Variants in FOXK1 observed in about 807,000 individuals in gnomAD.
FOXK1 encodes the protein forkhead box protein K1.
In FOXK1, 19 loss-of-function variants were observed where a neutral mutation model predicts 51.9. The ratio of observed to expected loss-of-function variants is 0.37; its 90% CI spans 0.26 to 0.54. The LOEUF (loss-of-function observed/expected upper bound fraction) is 0.54, where lower values mean the gene tolerates loss of function less well. Among genes scored for constraint, FOXK1 ranks in the 20% least tolerant of loss-of-function variants. The probability of loss-of-function intolerance (pLI) is 0.87; values close to 1 mark genes in which losing one functional copy is unlikely to be tolerated. For synonymous variants in FOXK1, 537 were observed against 482.6 expected (o/e 1.11, Z -1.48); for missense variants, 870 against 1,032.7 (o/e 0.84, Z 2.16).
rs1273282474 is a variant in FOXK1, at chr7:4,723,251, C to T, written c.561-17587C>T. ...GCACGTCCCCCGGCTCAGCACCGAG[C>T]AAGTGGGCCTGGACCCTGAAGGATG... On this transcript the variant is annotated intron_variant, in intron 1 of 8. Transcript: ENST00000328914. This position sits in a 1 kb window ranked among gnomAD's most constrained non-coding sequence, Gnocchi z 4.7. 6.6e-6 allele frequency among the ~76,000 whole-genome samples: 1 copy of T among 152,006 alleles called. No homozygotes were observed. The highest frequency in any genetic ancestry group is 1.9e-4 in the East Asian group (1 of 5,176).
In FOXK1 at chr7:4,719,029, G is replaced by A. The variant is rs143833361; in HGVS notation, c.561-21809G>A. Among the ~76,000 whole-genome samples, 1,055 of 152,178 alleles carry A rather than the reference G, an allele frequency of 6.9e-3. 11 individuals carry two copies. The highest frequency in any genetic ancestry group is 0.025 in the African/African-American group (1,020 of 41,522). ...GCACCATGTTGGTCAGTCTGATCTC[G>A]AACTCCCAACCTCAGGTGATCCACC... On this transcript the variant is annotated intron_variant, in intron 1 of 8. Coordinates refer to ENST00000328914, the MANE Select transcript of FOXK1 (RefSeq NM_001037165.2).
At position 4,730,700 on chromosome 7, in the gene FOXK1, G is replaced by T. The variant is rs1395652925; in HGVS notation, c.561-10138G>T. Among the ~76,000 whole-genome samples, 1 of 152,208 alleles carries T rather than the reference G, an allele frequency of 6.6e-6. No individual in the cohort carries two copies. The highest frequency in any genetic ancestry group is 2.4e-5 in the African/African-American group (1 of 41,442). On this transcript the variant is annotated intron_variant, in intron 1 of 8. Coordinates refer to ENST00000328914, the MANE Select transcript of FOXK1 (RefSeq NM_001037165.2). This position sits in a 1 kb window ranked among gnomAD's most constrained non-coding sequence, Gnocchi z 4.7. ...ACTGCTCTTAGCTGCTGGCGAAGAC[G>T]TGGTCTCTGCAATAGAGAGGCGCCT...
intron 1 of FOXK1, among the ~76,000 whole-genome samples, chr7:4,705,592 A>C (rs958183193): frequency 7.3e-6 from 1 of 137,314 alleles, no homozygotes; most frequent in Non-Finnish European, 1.6e-5. Flanking sequence ...GCTGGAGTAC[A>C]CTGGCGCAAT....
chr7:4,712,306 C>G (rs769297308), intron 1 of FOXK1, among the ~76,000 whole-genome samples: 2 of 152,076 alleles, frequency 1.3e-5, no homozygotes, highest in Non-Finnish European at 2.9e-5. Context: ...ATAAATGCGG[C>G]TGCTTTAAAG....
In FOXK1 at chr7:4,762,299, GGCCACCACCACCCCAGCCACT is replaced by G. The variant is rs1562393148; in HGVS notation, c.2047_2067del (p.Thr683_Thr689del). ...AGCCAGCAGCAGCCGTCGCGGCCAC[GGCCACCACCACCCCAGCCACT>G]GCCACCACCGCCTCTGCCTCCGCCT... On this transcript the variant is annotated inframe_deletion, in exon 9 of 9. Transcript: ENST00000328914. The surrounding 1 kb of genome is among the most constrained non-coding windows in gnomAD (Gnocchi z 5.7). The G allele has an allele frequency of 1.3e-6, 2 of 1,550,308 alleles. No homozygotes were observed. The highest frequency in any genetic ancestry group is 8.7e-7 in the Non-Finnish European group (1 of 1,146,792).
intron 1 of FOXK1, among the ~76,000 whole-genome samples, chr7:4,687,200 G>T (rs2115027254): frequency 6.6e-6 from 1 of 152,152 alleles, no homozygotes; most frequent in Admixed American, 6.6e-5. Flanking sequence ...CCAAAGTGCT[G>T]GGATTACAGG....
intron 1 of FOXK1, among the ~76,000 whole-genome samples, chr7:4,693,348 G>A (rs1779916900): frequency 6.6e-6 from 1 of 152,148 alleles, no homozygotes; most frequent in Non-Finnish European, 1.5e-5. Flanking sequence ...TAAAAGTTGA[G>A]TGACACAGCA....
rs1781041403 is a variant in FOXK1 at position 4,768,118 on chromosome 7, C to CTTTTTTT, written c.*5656_*5657insTTTTTTT. The CTTTTTTT allele has an allele frequency of 8.8e-6, 1 of 113,298 alleles. No homozygotes were observed. Among genetic ancestry groups the CTTTTTTT allele is most frequent in the South Asian group, 3.3e-4 (1 of 3,042 alleles). 7.0% of individuals were successfully genotyped at this position (113,298 alleles called of 1,614,324 possible). ...TTTAAAAACAGACCCATTTCACTGACTTCTTTTTTTTTTTTTTTTTTTTTT... is the reference window on the plus strand; with the variant it reads ...TTTAAAAACAGACCCATTTCACTGACTTTTTTTTTCTTTTTTTTTTTTTTTTTTTTTT... On this transcript the variant is annotated 3_prime_UTR_variant, in exon 9 of 9. Transcript: ENST00000328914.
intron 1 of FOXK1, among the ~76,000 whole-genome samples, chr7:4,726,758 C>CT (rs1780386165): frequency 6.6e-6 from 1 of 152,212 alleles, no homozygotes; most frequent in Admixed American, 6.5e-5. Context: ...CAAGACTTCT[C>CT]TTTTCGCCCA....
intron 1 of FOXK1, among the ~76,000 whole-genome samples, chr7:4,686,827 G>T (rs1249259371): frequency 6.6e-6 from 1 of 151,608 alleles, no homozygotes; most frequent in Non-Finnish European, 1.5e-5. Flanking sequence ...AGCCTGTCAT[G>T]GGGGGGAATT....
In FOXK1 at chr7:4,747,628, C is replaced by T. The variant is rs1013364251; in HGVS notation, c.746+6605C>T. 2.1e-4 allele frequency among the ~76,000 whole-genome samples: 32 copies of T among 151,748 alleles called. No individual in the cohort carries two copies. Among genetic ancestry groups the T allele is most frequent in the African/African-American group, 7.0e-4 (29 of 41,284 alleles). On this transcript the variant is annotated intron_variant, in intron 2 of 8. Coordinates refer to ENST00000328914, the MANE Select transcript of FOXK1 (RefSeq NM_001037165.2). The surrounding 1 kb of genome is among the most constrained non-coding windows in gnomAD (Gnocchi z 9.2). ...ACAGCTCACTGCAACCTCAACCTCC[C>T]GGGCTCAAGCGATCCTCCCACTGCA...
chr7:4,730,600 A>G lies in FOXK1; in HGVS notation c.561-10238A>G, dbSNP rs182018751. On this transcript the variant is annotated intron_variant, in intron 1 of 8. Coordinates refer to ENST00000328914, the MANE Select transcript of FOXK1 (RefSeq NM_001037165.2). The surrounding 1 kb of genome is among the most constrained non-coding windows in gnomAD (Gnocchi z 4.7). ...CGCCCCGCCTTCAAGTTTGTGCCTT[A>G]TTTTCCAAAGCCGCCACACTTGAGA... is the stretch of plus-strand genomic sequence containing the variant. Among the ~76,000 whole-genome samples the G allele has an allele frequency of 5.9e-5, 9 of 152,042 alleles. No individual in the cohort carries two copies. The highest frequency in any genetic ancestry group is 1.3e-4 in the Non-Finnish European group (9 of 67,994).
intron 1 of FOXK1, among the ~76,000 whole-genome samples, chr7:4,708,889 A>AC (rs1477026775): frequency 2.6e-5 from 4 of 152,126 alleles, no homozygotes; most frequent in East Asian, 3.9e-4. Context: ...ACATAGTGAG[A>AC]CCCCGTCTCT....
intron 1 of FOXK1, among the ~76,000 whole-genome samples, chr7:4,688,623 G>C (rs2115028148): frequency 6.6e-6 from 1 of 152,246 alleles, no homozygotes; most frequent in Admixed American, 6.5e-5. Flanking sequence ...CCTGTCTCCA[G>C]TGATCTGCCC....
At position 4,711,963 on chromosome 7, in the gene FOXK1, G is replaced by T. The variant is rs1348524107; in HGVS notation, c.561-28875G>T. ...GGAGGGGCAGAGGGCAGGTGCCGCCGAGCAGGAGGGAGGACGCGGCAGGTC... is the reference window on the plus strand; with the variant it reads ...GGAGGGGCAGAGGGCAGGTGCCGCCTAGCAGGAGGGAGGACGCGGCAGGTC... On this transcript the variant is annotated intron_variant, in intron 1 of 8. Coordinates refer to ENST00000328914, the MANE Select transcript of FOXK1 (RefSeq NM_001037165.2). This position sits in a 1 kb window ranked among gnomAD's most constrained non-coding sequence, Gnocchi z 6.3. Among the ~76,000 whole-genome samples the T allele has an allele frequency of 6.6e-6, 1 of 152,128 alleles. No individual in the cohort carries two copies. The highest frequency in any genetic ancestry group is 1.5e-5 in the Non-Finnish European group (1 of 68,038).
At chr7:4,688,269 A>G (rs1779845496) in intron 1 of FOXK1, among the ~76,000 whole-genome samples, 1 of 148,090 alleles carries the variant, frequency 6.8e-6, no homozygotes, top group Non-Finnish European at 1.5e-5. Flanking sequence ...GAATTCTTAA[A>G]AAAAAAAAAA....
Position 4,755,120 on chromosome 7 carries a change from GC to G in FOXK1, c.904-115del. The G allele has an allele frequency of 7.5e-7, 1 of 1,329,074 alleles. No individual in the cohort carries two copies. The highest frequency in any genetic ancestry group is 1.0e-6 in the Non-Finnish European group (1 of 972,984). The allele number at this position is 1,329,074 out of a possible 1,614,324, so 82.3% of individuals were successfully genotyped here. A position where few individuals can be genotyped will look rare whatever the true frequency, so the allele number is the denominator to read the frequency against. On this transcript the variant is annotated intron_variant, in intron 3 of 8. Coordinates refer to ENST00000328914, the MANE Select transcript of FOXK1 (RefSeq NM_001037165.2). The surrounding 1 kb of genome is among the most constrained non-coding windows in gnomAD (Gnocchi z 6.6). ...ATAGTTGGAGGGCACTGGGACGGGTGCCGGCAAGACGCGCACATTCTCGTGG... is the reference window on the plus strand; with the variant it reads ...ATAGTTGGAGGGCACTGGGACGGGTGCGGCAAGACGCGCACATTCTCGTGG...
chr7:4,717,168 G>A (rs1780245598), intron 1 of FOXK1, among the ~76,000 whole-genome samples: 2 of 150,812 alleles, frequency 1.3e-5, no homozygotes, highest in African/African-American at 2.4e-5. Flanking sequence ...GATGGAAGGT[G>A]ATGGTGGGAG....
intron 1 of FOXK1, among the ~76,000 whole-genome samples, chr7:4,689,880 C>T (rs1779870365): frequency 6.6e-6 from 1 of 152,168 alleles, no homozygotes; most frequent in Non-Finnish European, 1.5e-5. Flanking sequence ...GACCCAGCGC[C>T]TGGGTGGGTC....
Sources: gnomAD v4.1 joint callset for allele counts (sites outside exome capture counted in the v4.1 genomes callset) on GRCh38, gnomAD v4.1.1 for gene constraint, Gnocchi (gnomAD v3.1) non-coding constraint, MANE v1.5 for transcripts, NCBI Gene and HGNC (gene_info 2026-07-23, HGNC 2026-07-21) for gene names.